GPC5: variants seen among roughly 807,000 people sequenced by gnomAD.
GPC5 encodes the protein glypican 5, also known as glypican-5.
A neutral mutation model predicts 53.9 loss-of-function variants in GPC5; 47 were observed. The observed-to-expected ratio is 0.87, with a 90% CI of 0.69 to 1.11. The LOEUF is 1.11. Among genes scored for constraint, GPC5 ranks in the 50% most tolerant of loss-of-function variants. GPC5 has a pLI of 0.00. For synonymous variants in GPC5, 286 were observed against 263.3 expected, an observed-to-expected ratio of 1.09 and a Z score of -0.84; for missense variants, 748 against 713.1, an observed-to-expected ratio of 1.05 and a Z score of -0.56.
rs535126982 is a variant in GPC5, at chr13:91,530,046, C to T, written c.325+81124C>T. Among the ~76,000 whole-genome samples the T allele has an allele frequency of 1.8e-4, 28 of 152,314 alleles. 1 individual carries two copies. In the South Asian group the frequency reaches 3.7e-3, roughly 20 times the overall value. ...GCCAGTGTCTCACAGCAGCATTTCA[C>T]TGAAAACAGTCTCTGCCTTCTCTTT... On this transcript the variant is annotated intron_variant, in intron 2 of 7. Transcript: ENST00000377067.
chr13:92,842,548 A>T (rs1878462987), intron 7 of GPC5, among the ~76,000 whole-genome samples: 3 of 152,116 alleles, frequency 2.0e-5, no homozygotes, highest in African/African-American at 4.8e-5. Context: ...TGGCCCATGA[A>T]CAACTGATCA....
At chr13:92,701,083 A>C (rs1468805884) in intron 7 of GPC5, among the ~76,000 whole-genome samples, 1 of 152,128 alleles carries the variant, frequency 6.6e-6, no homozygotes, top group Admixed American at 6.6e-5. Flanking sequence ...GACTTGTTTT[A>C]TGCAATAAAA....
chr13:91,760,910 T>A (rs1243778043), intron 5 of GPC5, among the ~76,000 whole-genome samples: 1 of 152,240 alleles, frequency 6.6e-6, no homozygotes, highest in African/African-American at 2.4e-5. Context: ...TATCATATAC[T>A]CTACTGCAAC....
chr13:91,591,047 G>C (rs1406747869), intron 2 of GPC5, among the ~76,000 whole-genome samples: 1 of 152,118 alleles, frequency 6.6e-6, no homozygotes, highest in African/African-American at 2.4e-5. Context: ...TTGTATTGTT[G>C]ATGTTTGTAA....
intron 7 of GPC5, among the ~76,000 whole-genome samples, chr13:92,507,352 G>A (rs933919096): frequency 1.3e-5 from 2 of 152,184 alleles, no homozygotes; most frequent in Non-Finnish European, 2.9e-5. Flanking sequence ...ACAAACGCTT[G>A]ATGAGTAAAT....
intron 7 of GPC5, among the ~76,000 whole-genome samples, chr13:92,833,562 TAAA>T (rs1878122474): frequency 6.6e-6 from 1 of 152,168 alleles, no homozygotes; most frequent in African/African-American, 2.4e-5. Flanking sequence ...AATATGGCAA[TAAA>T]AAGATACAGC....
chr13:92,207,960 C>A (rs1355649849), intron 7 of GPC5, among the ~76,000 whole-genome samples: 3 of 152,202 alleles, frequency 2.0e-5, no homozygotes, highest in Admixed American at 6.5e-5. Flanking sequence ...TAAACTTGTC[C>A]CCCATGTACA....
intron 5 of GPC5, among the ~76,000 whole-genome samples, chr13:91,886,155 AG>A (rs1450176126): frequency 2.0e-5 from 3 of 152,198 alleles, no homozygotes; most frequent in Non-Finnish European, 4.4e-5. Context: ...GAGGCCTCAA[AG>A]TCATGGCAGA....
intron 7 of GPC5, among the ~76,000 whole-genome samples, chr13:92,394,760 T>C (rs902489172): frequency 1.3e-5 from 2 of 152,218 alleles, no homozygotes; most frequent in African/African-American, 4.8e-5. Context: ...CATATGTATA[T>C]AGTTCTTTAA....
chr13:92,272,005 G>A (rs2042843167), intron 7 of GPC5, among the ~76,000 whole-genome samples: 1 of 152,128 alleles, frequency 6.6e-6, no homozygotes, highest in Admixed American at 6.6e-5. Flanking sequence ...TTATTTTGGG[G>A]CTCAAAGTCT....
chr13:91,433,081 A>C (rs1432145760), intron 1 of GPC5, among the ~76,000 whole-genome samples: 1 of 152,158 alleles, frequency 6.6e-6, no homozygotes, highest in Non-Finnish European at 1.5e-5. Flanking sequence ...AAGAGAAGTA[A>C]TAACAATTAA....
chr13:92,787,022 G>C (rs564632172), intron 7 of GPC5, among the ~76,000 whole-genome samples: 2 of 152,268 alleles, frequency 1.3e-5, no homozygotes, highest in Admixed American at 6.5e-5. Context: ...GACTGACCTT[G>C]GTTCATATTA....
rs555762163 is a variant in GPC5, at chr13:92,597,428, T to G, written c.1562-268854T>G. Among the ~76,000 whole-genome samples, 12 of 152,320 alleles carry G rather than the reference T, an allele frequency of 7.9e-5. No individual in the cohort carries two copies. In the South Asian group the frequency reaches 2.5e-3, roughly 32 times the overall value. On this transcript the variant is annotated intron_variant, in intron 7 of 7. Coordinates refer to ENST00000377067, the MANE Select transcript of GPC5 (RefSeq NM_004466.6). Reference sequence around the variant, plus strand: ...GACCAACTGCATCCTTCGAAGAGACTGTAAAATTGCATTTAAGTCTGACAT... The same window carrying G: ...GACCAACTGCATCCTTCGAAGAGACGGTAAAATTGCATTTAAGTCTGACAT...
chr13:92,305,065 T>A (rs988591802), intron 7 of GPC5, among the ~76,000 whole-genome samples: 4 of 152,190 alleles, frequency 2.6e-5, no homozygotes, highest in South Asian at 2.1e-4. Context: ...AGAATAATTA[T>A]GCTAATTGAT....
At chr13:92,756,021 C>A (rs531727077) in intron 7 of GPC5, among the ~76,000 whole-genome samples, 5 of 151,982 alleles carry the variant, frequency 3.3e-5, no homozygotes, top group Non-Finnish European at 7.4e-5. Flanking sequence ...GGCAGAGACA[C>A]AACCAAAAAA....
intron 6 of GPC5, among the ~76,000 whole-genome samples, chr13:91,952,181 C>T (rs1200070539): frequency 9.9e-6 from 1 of 100,716 alleles, no homozygotes; most frequent in African/African-American, 3.7e-5. Flanking sequence ...CTTTCTCTCT[C>T]TCTCTCTCTG....
chr13:91,731,226 C>T (rs549838450), intron 4 of GPC5, among the ~76,000 whole-genome samples: 8 of 152,294 alleles, frequency 5.3e-5, no homozygotes, highest in Non-Finnish European at 1.2e-4. Context: ...GTAGTCACCA[C>T]GTATAAAGGA....
intron 5 of GPC5, among the ~76,000 whole-genome samples, chr13:91,782,070 ATTTT>A (rs2037806729): frequency 6.6e-6 from 1 of 152,112 alleles, no homozygotes; most frequent in Admixed American, 6.5e-5. Flanking sequence ...AATTATATAT[ATTTT>A]TACCTGCTGA....
chr13:91,602,675 G>A (rs537815759), intron 2 of GPC5, among the ~76,000 whole-genome samples: 22 of 152,090 alleles, frequency 1.4e-4, no homozygotes, highest in Middle Eastern at 6.8e-3. Context: ...ATTGTTTTTC[G>A]GTTCCTGAAC....
Sources: gnomAD v4.1 joint callset for allele counts (sites outside exome capture counted in the v4.1 genomes callset) on GRCh38, gnomAD v4.1.1 for gene constraint, MANE v1.5 for transcripts, NCBI Gene and HGNC (gene_info 2026-07-23, HGNC 2026-07-21) for gene names.